Variants in ANGPTL6 observed in about 807,000 individuals in gnomAD.
The protein encoded by ANGPTL6 is angiopoietin-related protein 6.
A neutral mutation model predicts 47.4 loss-of-function variants in ANGPTL6; 45 were observed. That is an observed-to-expected ratio of 0.95 (90% CI 0.75 to 1.22). ANGPTL6 has a LOEUF of 1.22. Ranked by LOEUF, ANGPTL6 falls within the 50% of genes most tolerant of loss-of-function variation. The pLI is 0.00. For missense variants in ANGPTL6, 698 were observed against 669.4 expected (o/e 1.04, Z -0.47); for synonymous variants, 290 against 295.9 (o/e 0.98, Z 0.20).
Position 10,094,871 on chromosome 19 carries a change from C to T in ANGPTL6, c.650G>A (p.Ser217Asn), listed in dbSNP as rs757283880. ...VRLVGSTSDTSRMLDPAPEPQ... is the reference protein window; with the variant it reads ...VRLVGSTSDTNRMLDPAPEPQ... ...CTCTGGGGCTGGGTCCAGCATCCTA[C>T]TGGTGTCACTGGTGCTACCCACAAG... The change falls in exon 3 of 6, where the codon AGT becomes AAT. Residue 217 changes from serine to asparagine, a missense_variant. Ser to Asn is a conservative substitution (Grantham distance 46). Transcript: ENST00000253109. The T allele has an allele frequency of 1.9e-6, 3 of 1,614,086 alleles. No individual in the cohort carries two copies. The highest frequency in any genetic ancestry group is 2.5e-6 in the Non-Finnish European group (3 of 1,180,038).
chr19:10,099,372 C>T (rs1177976305), intron 1 of ANGPTL6, among the ~76,000 whole-genome samples: 2 of 151,886 alleles, frequency 1.3e-5, no homozygotes, highest in African/African-American at 4.8e-5. Context: ...GTCAGGAGAT[C>T]GAGACCATCC....
chr19:10,104,941 AC>A (rs2088780264), upstream of ANGPTL6, among the ~76,000 whole-genome samples: 1 of 152,202 alleles, frequency 6.6e-6, no homozygotes, highest in South Asian at 2.1e-4. Flanking sequence ...ACATTTTCAC[AC>A]AAGTCAAATC....
At chr19:10,098,178 C>T (rs2088593626) in intron 1 of ANGPTL6, among the ~76,000 whole-genome samples, 1 of 151,994 alleles carries the variant, frequency 6.6e-6, no homozygotes, top group Non-Finnish European at 1.5e-5. Context: ...CCCACCATGC[C>T]CTGCTAATTT....
chr19:10,095,699 T>A (rs1234334183), intron 2 of ANGPTL6, among the ~76,000 whole-genome samples: 3 of 152,202 alleles, frequency 2.0e-5, no homozygotes, highest in Non-Finnish European at 4.4e-5. Context: ...TGTATATGCA[T>A]GTGTGTATAG....
At chr19:10,098,917 T>G (rs576936724) in intron 1 of ANGPTL6, among the ~76,000 whole-genome samples, 2 of 151,902 alleles carry the variant, frequency 1.3e-5, no homozygotes, top group Non-Finnish European at 2.9e-5. Context: ...CGTCGGATAT[T>G]GGAAACCCCA....
chr19:10,097,488 A>C (rs929606369), intron 1 of ANGPTL6, among the ~76,000 whole-genome samples: 6 of 152,122 alleles, frequency 3.9e-5, no homozygotes, highest in African/African-American at 1.4e-4. Context: ...TCCCTCCCCT[A>C]GTGGGCAAAA....
Position 10,092,389 on chromosome 19 carries a change from G to A in ANGPTL6, c.*200C>T, listed in dbSNP as rs1438929740. ...TATGAGCTCAAACCGAGATATGAAT[G>A]ACCTTGGGGAGCCATCTGAGGCCAA... On this transcript the variant is annotated 3_prime_UTR_variant, in exon 6 of 6. Transcript: ENST00000253109. 1 of 1,521,452 alleles carries A rather than the reference G, an allele frequency of 6.6e-7. No individual in the cohort carries two copies. The highest frequency in any genetic ancestry group is 8.8e-7 in the Non-Finnish European group (1 of 1,138,502). 94.2% of individuals were successfully genotyped at this position (1,521,452 alleles called of 1,614,324 possible).
Position 10,096,216 on chromosome 19 carries a change from G to T in ANGPTL6, c.348C>A (p.His116Gln). ...RLGQLRAQLQHEAGPGAGPGA... is the reference protein window; with the variant it reads ...RLGQLRAQLQQEAGPGAGPGA... ...CCGGGCCCGCCCCGGGCCCCGCCTC[G>T]TGCTGCAGCTGCGCGCGCAACTGGC... The change falls in exon 2 of 6, where the codon CAC (histidine) becomes CAA (glutamine). Residue 116 changes from histidine to glutamine, a missense_variant. By Grantham distance (24) the His-to-Gln change is conservative (BLOSUM62 0). Transcript: ENST00000253109. 1 of 1,205,866 alleles carries T rather than the reference G, an allele frequency of 8.3e-7. No homozygotes were observed. Among genetic ancestry groups the T allele is most frequent in the Non-Finnish European group, 1.0e-6 (1 of 971,880 alleles). The allele number at this position is 1,205,866 out of a possible 1,614,324, so 74.7% of individuals were successfully genotyped here.
At chr19:10,099,436 G>A (rs1013183331) in intron 1 of ANGPTL6, among the ~76,000 whole-genome samples, 9 of 151,982 alleles carry the variant, frequency 5.9e-5, no homozygotes, top group African/African-American at 2.2e-4. Flanking sequence ...AAGTAGCCAG[G>A]CGTGGTGGCG....
chr19:10,097,200 G>C (rs898054726), intron 1 of ANGPTL6, among the ~76,000 whole-genome samples: 11 of 152,122 alleles, frequency 7.2e-5, no homozygotes, highest in Admixed American at 7.2e-4. Context: ...GAGCCTAGGA[G>C]TTGGAGACCA....
chr19:10,094,452 G>T, intron 3 of ANGPTL6: 1 of 379,054 alleles, frequency 2.6e-6, no homozygotes, highest in Non-Finnish European at 4.8e-6. Flanking sequence ...GGCCAACTCT[G>T]GGGTTCTTAA....
At position 10,092,517 on chromosome 19, in the gene ANGPTL6, G is replaced by A. The variant is rs1243373398; in HGVS notation, c.*72C>T. 3.3e-6 allele frequency: 5 copies of A among 1,531,118 alleles called. No individual in the cohort carries two copies. The highest frequency in any genetic ancestry group is 4.4e-6 in the Non-Finnish European group (5 of 1,131,838). The allele number at this position is 1,531,118 out of a possible 1,614,324, so 94.8% of individuals were successfully genotyped here. On this transcript the variant is annotated 3_prime_UTR_variant, in exon 6 of 6. Transcript: ENST00000253109. The stretch of plus-strand genomic sequence containing the variant: ...CACATTGGCACTGAGCCACAAAGAA[G>A]GTGTGGCCAGAACAACTTGGGCTCC...
chr19:10,094,993 C>T, intron 2 of ANGPTL6, 55 bp from the exon 3 acceptor site: 2 of 1,499,632 alleles, frequency 1.3e-6, no homozygotes, highest in Non-Finnish European at 1.8e-6. Flanking sequence ...GCCAGGAGGC[C>T]TGGTCTCAGG....
chr19:10,096,087 C>A lies in ANGPTL6; in HGVS notation c.477G>T (p.Gln159His), dbSNP rs369847598. The change falls in exon 2 of 6, where the codon CAG becomes CAT. Residue 159 changes from glutamine to histidine, a missense_variant. Coordinates refer to ENST00000253109, the MANE Select transcript of ANGPTL6 (RefSeq NM_031917.3). ...CCAGCTCGCGGAACTTGACGTCCAG[C>A]TGGTGGAACCGGGCGGCTGCGCGCT... ...EAQRAAARFH[Q>H]LDVKFRELAQ... 95 of 1,493,784 alleles carry A rather than the reference C, an allele frequency of 6.4e-5. No homozygotes were observed. The highest frequency in any genetic ancestry group is 8.2e-5 in the Non-Finnish European group (92 of 1,123,900). 92.5% of individuals were successfully genotyped at this position (1,493,784 alleles called of 1,614,324 possible).
At chr19:10,104,334 G>A (rs553013106), upstream of ANGPTL6, among the ~76,000 whole-genome samples, 6 of 151,742 alleles carry the variant, frequency 4.0e-5, 1 homozygote, top group African/African-American at 1.2e-4. Context: ...GTGTGTGTGT[G>A]TGTGTGTGTG....
At chr19:10,104,096 A>AG (rs1555757375), upstream of ANGPTL6, among the ~76,000 whole-genome samples, 1 of 151,484 alleles carries the variant, frequency 6.6e-6, no homozygotes, top group Admixed American at 6.6e-5. Flanking sequence ...AAAAAAAAAA[A>AG]AAAAAGAAAA....
intron 3 of ANGPTL6, 54 bp downstream of exon 3, chr19:10,094,704 C>G: frequency 1.2e-6 from 2 of 1,609,518 alleles, no homozygotes; most frequent in Non-Finnish European, 1.7e-6. Context: ...CACTAAAATC[C>G]TGACTCCTCA....
At chr19:10,095,852 A>T in intron 2 of ANGPTL6, 130 bp downstream of exon 2, 1 of 519,144 alleles carries the variant, frequency 1.9e-6, no homozygotes, top group Non-Finnish European at 3.0e-6. Flanking sequence ...CAAATAAGTT[A>T]CCAGAAGGGG....
At chr19:10,094,556 CAT>C in intron 3 of ANGPTL6, 200 bp downstream of exon 3, 1 of 662,670 alleles carries the variant, frequency 1.5e-6, no homozygotes. Context: ...CAGTCCCAAA[CAT>C]CGCCTCACTA....
Sources: allele counts gnomAD v4.1 joint callset (sites outside exome capture counted in the v4.1 genomes callset), GRCh38; gene constraint gnomAD v4.1.1; transcripts MANE v1.5; gene names NCBI Gene and HGNC (gene_info 2026-07-23, HGNC 2026-07-21).